Variants in MESD observed in about 807,000 individuals in gnomAD.
MESD encodes LRP chaperone MESD.
Under a neutral mutation model 12.9 loss-of-function variants are expected in MESD, and 7 were observed. The observed-to-expected ratio is 0.54, with a 90% CI of 0.31 to 1.02. The LOEUF (loss-of-function observed/expected upper bound fraction) is 1.02, where lower values mean the gene tolerates loss of function less well. Among genes scored for constraint, MESD ranks in the 50% least tolerant of loss-of-function variants. The pLI is 0.05. For missense variants in MESD, 342 were observed against 296.7 expected (o/e 1.15, Z -1.12); for synonymous variants, 126 against 115.6 (o/e 1.09, Z -0.58).
At chr15:80,953,700 C>T (rs764633485) in intron 3 of MESD, among the ~76,000 whole-genome samples, 14 of 152,100 alleles carry the variant, frequency 9.2e-5, no homozygotes, top group African/African-American at 2.7e-4. Flanking sequence ...GGCCTGGAGG[C>T]GATGTGTAGG....
chr15:80,962,334 T>C (rs1177617508), intron 3 of MESD, among the ~76,000 whole-genome samples: 1 of 152,144 alleles, frequency 6.6e-6, no homozygotes, highest in Non-Finnish European at 1.5e-5. Context: ...CACCCAGATT[T>C]ATAAAGCAAG....
downstream of MESD, among the ~76,000 whole-genome samples, chr15:80,971,971 G>A (rs1022131059): frequency 4.6e-5 from 7 of 150,920 alleles, no homozygotes; most frequent in African/African-American, 1.5e-4. Context: ...AAAAGAAATC[G>A]ACACCAAAGG....
At chr15:80,946,863 T>C, downstream of MESD, 1 of 781,442 alleles carries the variant, frequency 1.3e-6, no homozygotes, top group Non-Finnish European at 2.2e-6. Context: ...CTCTGGGCAC[T>C]GCTAACTCCA....
chr15:80,986,342 T>C (rs1001220039), intron 1 of MESD, among the ~76,000 whole-genome samples: 11 of 152,184 alleles, frequency 7.2e-5, no homozygotes, highest in African/African-American at 2.7e-4. Flanking sequence ...TCTAGTGCTC[T>C]ATAGCATTGT....
At chr15:80,982,979 C>T (rs965423235) in intron 1 of MESD, among the ~76,000 whole-genome samples, 1 of 152,150 alleles carries the variant, frequency 6.6e-6, no homozygotes, top group Admixed American at 6.5e-5. Flanking sequence ...CAGTGAGGCA[C>T]ACCTGTAGTC....
intron 4 of MESD, chr15:80,950,792 T>G (rs1236622981): frequency 2.0e-5 from 3 of 152,678 alleles, no homozygotes; most frequent in African/African-American, 7.2e-5. Flanking sequence ...ATCTGTGGTT[T>G]ATAATCTTGC....
intron 2 of MESD, among the ~76,000 whole-genome samples, chr15:80,980,927 G>A (rs891830317): frequency 4.6e-5 from 7 of 150,964 alleles, no homozygotes; most frequent in Admixed American, 2.6e-4. Flanking sequence ...AGGTTCAAGC[G>A]ATTCTCCTGC....
chr15:80,949,097 G>T, intron 4 of MESD: 2 of 827,190 alleles, frequency 2.4e-6, no homozygotes, highest in Admixed American at 4.0e-5. Flanking sequence ...GCTGCCACCT[G>T]CCCCTACTCA....
chr15:80,989,540 C>A (rs1444585909), intron 1 of MESD, 39 bp downstream of exon 1: 1 of 1,596,204 alleles, frequency 6.3e-7, no homozygotes, highest in Admixed American at 1.7e-5. Flanking sequence ...CAGGGTCCCG[C>A]ACAGAGAAGA....
intron 1 of MESD, among the ~76,000 whole-genome samples, chr15:80,988,274 G>A (rs547877287): frequency 4.6e-5 from 7 of 152,332 alleles, no homozygotes; most frequent in African/African-American, 1.4e-4. Context: ...CATGGATGGG[G>A]TAAAAGGATT....
intron 3 of MESD, among the ~76,000 whole-genome samples, chr15:80,961,260 G>A (rs1902081949): frequency 6.7e-6 from 1 of 149,504 alleles, no homozygotes. Flanking sequence ...CTCTTACAAA[G>A]CAGTAAGGAA....
intron 4 of MESD, chr15:80,950,699 T>G (rs1901780183): frequency 6.5e-6 from 1 of 152,702 alleles, no homozygotes; most frequent in Non-Finnish European, 1.5e-5. Context: ...CCCCAGTCCC[T>G]TTCAGCTGCT....
chr15:80,984,453 G>C lies in MESD; in HGVS notation c.214-2271C>G, dbSNP rs184368180. On this transcript the variant is annotated intron_variant, in intron 1 of 2. Transcript: ENST00000261758. ...AGAAAAAAGAAATGAAGTACTGATT[G>C]ATACATGAAAATATTATGCTAAGTG... is the stretch of plus-strand genomic sequence containing the variant. 4.4e-3 allele frequency among the ~76,000 whole-genome samples: 676 copies of C among 152,250 alleles called. 6 individuals are homozygous for C. Among genetic ancestry groups the C allele is most frequent in the African/African-American group, 0.015 (614 of 41,526 alleles).
chr15:80,954,603 T>A (rs1901926817), intron 3 of MESD, among the ~76,000 whole-genome samples: 1 of 151,912 alleles, frequency 6.6e-6, no homozygotes, highest in African/African-American at 2.4e-5. Flanking sequence ...ACAGAGGTAA[T>A]GGTGAGGGTT....
At chr15:80,984,394 A>T (rs1004786886) in intron 1 of MESD, among the ~76,000 whole-genome samples, 2 of 152,194 alleles carry the variant, frequency 1.3e-5, no homozygotes, top group Non-Finnish European at 2.9e-5. Flanking sequence ...GCAACATATC[A>T]TGACCCTATC....
downstream of MESD, among the ~76,000 whole-genome samples, chr15:80,974,261 C>T (rs749619572): frequency 1.1e-4 from 16 of 152,142 alleles, no homozygotes; most frequent in Non-Finnish European, 2.1e-4. Flanking sequence ...CGCTCAGATA[C>T]GGAGGGAAAA....
chr15:80,961,891 A>G (rs539640624), intron 3 of MESD, among the ~76,000 whole-genome samples: 48 of 152,374 alleles, frequency 3.2e-4, no homozygotes, highest in Non-Finnish European at 5.9e-4. Context: ...AAAACATGCC[A>G]AATTGTAAAG....
At chr15:80,958,211 TTAAG>T (rs1039966141) in intron 3 of MESD, among the ~76,000 whole-genome samples, 4 of 152,314 alleles carry the variant, frequency 2.6e-5, no homozygotes, top group African/African-American at 9.6e-5. Context: ...TACACACACC[TTAAG>T]TAAATTCCTG....
chr15:80,963,135 G>A (rs566455827), intron 3 of MESD, among the ~76,000 whole-genome samples: 45 of 152,220 alleles, frequency 3.0e-4, no homozygotes, highest in Admixed American at 1.7e-3. Context: ...AATAAAAAAC[G>A]ATAAAGTGGA....
Sources: allele counts gnomAD v4.1 joint callset (sites outside exome capture counted in the v4.1 genomes callset), GRCh38; gene constraint gnomAD v4.1.1; transcripts MANE v1.5; gene names NCBI Gene and HGNC (gene_info 2026-07-23, HGNC 2026-07-21).